The following ARHGAP6 variants were observed in gnomAD, a reference collection of about 807,000 sequenced individuals.
ARHGAP6 encodes rho GTPase-activating protein 6.
Under a neutral mutation model 55.7 loss-of-function variants are expected in ARHGAP6, and 16 were observed. That is an observed-to-expected ratio of 0.29 (90% CI 0.19 to 0.44). ARHGAP6 has a LOEUF of 0.44. ARHGAP6 is among the 20% of genes least tolerant of loss of function. ARHGAP6 has a pLI of 1.00. For missense variants in ARHGAP6, 698 were observed against 808.9 expected, an observed-to-expected ratio of 0.86 and a Z score of 1.66; for synonymous variants, 382 against 360.9, an observed-to-expected ratio of 1.06 and a Z score of -0.66.
rs957370401 is a variant in ARHGAP6, at chrX:11,419,552, T to G, written c.589-164845A>C. Among the ~76,000 whole-genome samples the G allele has an allele frequency of 2.7e-5, 3 of 112,322 alleles. No homozygotes were observed. The South Asian group carries it at 1.1e-3, about 42-fold the overall frequency. ...TCAAATCATTCTAGCAAACTCAATG[T>G]TCCATACCCTTGCTAATCTATTATT... is the stretch of plus-strand genomic sequence containing the variant. On this transcript the variant is annotated intron_variant, in intron 1 of 12. Coordinates refer to ENST00000337414, the MANE Select transcript of ARHGAP6 (RefSeq NM_013427.3).
chrX:11,548,109 C>A (rs1310752614), intron 1 of ARHGAP6, among the ~76,000 whole-genome samples: 2 of 111,588 alleles, frequency 1.8e-5, no homozygotes, highest in Admixed American at 9.5e-5. Flanking sequence ...GCTTGTGCAG[C>A]AGAATTATTT....
intron 1 of ARHGAP6, among the ~76,000 whole-genome samples, chrX:11,489,964 G>A (rs771763293): frequency 2.7e-5 from 3 of 111,360 alleles, no homozygotes; most frequent in South Asian, 3.8e-4. Flanking sequence ...AGACAGGTAG[G>A]AATTCGAAAC....
intron 1 of ARHGAP6, among the ~76,000 whole-genome samples, chrX:11,285,775 T>C (rs982316873): frequency 8.9e-6 from 1 of 112,532 alleles, no homozygotes; most frequent in African/African-American, 3.2e-5. Flanking sequence ...GGATGACAGC[T>C]TCCTTCACTT....
At chrX:11,351,803 C>T (rs1168068153) in intron 1 of ARHGAP6, 2 of 115,180 alleles carry the variant, frequency 1.7e-5, no homozygotes, top group African/African-American at 6.5e-5. Context: ...GGGAGCCTGC[C>T]AGTGAGAACA....
intron 1 of ARHGAP6, among the ~76,000 whole-genome samples, chrX:11,477,043 C>A (rs1316337121): frequency 9.1e-6 from 1 of 109,452 alleles, no homozygotes. Flanking sequence ...AAGACATAGA[C>A]TAGGAAAAAA....
intron 1 of ARHGAP6, among the ~76,000 whole-genome samples, chrX:11,570,478 G>A (rs1195462717): frequency 9.0e-6 from 1 of 111,420 alleles, no homozygotes; most frequent in East Asian, 2.8e-4. Flanking sequence ...TGATAGTAGT[G>A]GGGGTGGTTA....
chrX:11,357,673 T>C (rs1443000312), intron 1 of ARHGAP6, among the ~76,000 whole-genome samples: 3 of 111,597 alleles, frequency 2.7e-5, no homozygotes, highest in Non-Finnish European at 5.6e-5. Context: ...CTGCAAAGAT[T>C]CTGCCTTTGT....
At chrX:11,334,536 G>A (rs751056505) in intron 1 of ARHGAP6, 1 of 115,715 alleles carries the variant, frequency 8.6e-6, no homozygotes, top group South Asian at 3.7e-4. Context: ...TGTTCAGAAT[G>A]GTAGAGGCAA....
intron 1 of ARHGAP6, chrX:11,351,518 T>G (rs1250681017): frequency 1.1e-6 from 1 of 916,600 alleles, no homozygotes; most frequent in African/African-American, 2.1e-5. Context: ...GATAGTGGCG[T>G]TGGAAGTGAT....
intron 1 of ARHGAP6, among the ~76,000 whole-genome samples, chrX:11,590,775 C>CAAAAAGAAAAGAAAAGAAAAGAAAA: frequency 9.3e-5 from 1 of 10,738 alleles, no homozygotes; most frequent in Admixed American, 9.4e-4. Context: ...GACTCCATCT[C>CAAAAAGAAAAGAAAAGAAAAGAAAA]GAAAAGAAAA....
At chrX:11,510,113 T>C (rs1273449083) in intron 1 of ARHGAP6, among the ~76,000 whole-genome samples, 1 of 112,152 alleles carries the variant, frequency 8.9e-6, no homozygotes, top group Non-Finnish European at 1.9e-5. Context: ...CTTTCCTGCA[T>C]GACAGATATC....
intron 1 of ARHGAP6, among the ~76,000 whole-genome samples, chrX:11,397,914 A>G (rs1424152407): frequency 9.0e-6 from 1 of 111,710 alleles, no homozygotes; most frequent in Non-Finnish European, 1.9e-5. Flanking sequence ...AACGAAAACA[A>G]AAACAAAACC....
chrX:11,445,249 A>C (rs1191843102), intron 1 of ARHGAP6, among the ~76,000 whole-genome samples: 1 of 111,935 alleles, frequency 8.9e-6, no homozygotes, highest in African/African-American at 3.3e-5. Context: ...ATGGGCATGA[A>C]ATAGTTGAAT....
chrX:11,427,981 C>G, intron 1 of ARHGAP6, among the ~76,000 whole-genome samples: 1 of 112,466 alleles, frequency 8.9e-6, no homozygotes, highest in Non-Finnish European at 1.9e-5. Flanking sequence ...AACGCGCCCA[C>G]GACAGGTGTC....
rs112437216 is a variant in ARHGAP6 at position 11,280,769 on chromosome X, A to C, written c.589-26062T>G. Among the ~76,000 whole-genome samples the C allele has an allele frequency of 7.4e-4, 81 of 109,694 alleles. 1 individual carries two copies. Among genetic ancestry groups the C allele is most frequent in the African/African-American group, 2.6e-3 (77 of 30,112 alleles). On this transcript the variant is annotated intron_variant, in intron 1 of 12. Coordinates refer to ENST00000337414, the MANE Select transcript of ARHGAP6 (RefSeq NM_013427.3). ...TCAAAAAAAAAAAAAAAAAAAATCA[A>C]AATTTTTTTCGGAGCAGTTCTGTGA...
At chrX:11,224,893 T>C (rs1275766698) in intron 2 of ARHGAP6, among the ~76,000 whole-genome samples, 2 of 110,776 alleles carry the variant, frequency 1.8e-5, no homozygotes, top group African/African-American at 3.3e-5. Context: ...GGGCTGGGAC[T>C]CTGCAGCCAC....
chrX:11,309,833 A>G (rs1421893754), intron 1 of ARHGAP6, among the ~76,000 whole-genome samples: 1 of 111,572 alleles, frequency 9.0e-6, no homozygotes, highest in Admixed American at 9.5e-5. Flanking sequence ...ATATGAAAAG[A>G]TGCTTGATAT....
intron 1 of ARHGAP6, among the ~76,000 whole-genome samples, chrX:11,566,084 G>A (rs754780634): frequency 3.4e-4 from 38 of 112,160 alleles, no homozygotes; most frequent in African/African-American, 1.1e-3. Context: ...GTGCAAGTAC[G>A]ATAGAGATTG....
At position 11,172,922 on chromosome X, in the gene ARHGAP6, T is replaced by C. The variant is rs62590006; in HGVS notation, c.1630-3238A>G. Among the ~76,000 whole-genome samples the C allele has an allele frequency of 5.9e-3, 660 of 112,151 alleles. 3 individuals are homozygous for C. The highest frequency in any genetic ancestry group is 8.7e-3 in the Non-Finnish European group (462 of 53,227). On this transcript the variant is annotated intron_variant, in intron 8 of 12. Transcript: ENST00000337414. ...CTAAATGAACATCCTAGATCATTTC[T>C]AAGCTTCATATGAATAGCTCATATC...
Sources: allele counts gnomAD v4.1 joint callset (sites outside exome capture counted in the v4.1 genomes callset), GRCh38; gene constraint gnomAD v4.1.1; transcripts MANE v1.5; gene names NCBI Gene and HGNC (gene_info 2026-07-23, HGNC 2026-07-21).